TSC2: variants seen among roughly 807,000 people sequenced by gnomAD.
TSC2 encodes tuberin.
In TSC2, 29 loss-of-function variants were observed where a neutral mutation model predicts 202.2. The ratio of observed to expected loss-of-function variants is 0.14; its 90% CI spans 0.11 to 0.20. TSC2 has a LOEUF of 0.20. Among genes scored for constraint, TSC2 ranks in the 10% least tolerant of loss-of-function variants. The pLI is 1.00. For missense variants in TSC2, 2,429 were observed against 2,420.0 expected (o/e 1.00, Z -0.08); for synonymous variants, 1,349 against 1,044.0 (o/e 1.29, Z -5.63).
At position 2,082,433 on chromosome 16, in the gene TSC2, C is replaced by G. The variant is rs770054036; in HGVS notation, c.3815-3C>G. ...CGTGGCCGCACACGGCCTTCCCTTG[C>G]AGTGGCCTCTTTCTCCTCCCTGTAC... is the stretch of plus-strand genomic sequence containing the variant. On this transcript the variant is annotated splice_polypyrimidine_tract_variant and splice_region_variant and intron_variant, in intron 31 of 41. Coordinates refer to ENST00000219476, the MANE Select transcript of TSC2 (RefSeq NM_000548.5). The G allele has an allele frequency of 5.6e-6, 9 of 1,612,456 alleles. No homozygotes were observed. Among genetic ancestry groups the G allele is most frequent in the Non-Finnish European group, 7.6e-6 (9 of 1,179,996 alleles).
Position 2,074,373 on chromosome 16 carries a change from G to A in TSC2, c.2529G>A (p.Leu843=), listed in dbSNP as rs759108698. Residue 843 remains leucine (L), a synonymous_variant, in exon 22 of 42, where the codon CTG becomes CTA. Transcript: ENST00000219476. ...ISATASMAVP[L]LEFLSTLARL... ...CCACAGCCAGCATGGCCGTCCCACT[G>A]CTGGAGTTCCTGTCCAGTGAGTCCC... 6.2e-7 allele frequency: 1 copy of A among 1,611,418 alleles called. No individual in the cohort carries two copies.
Position 2,073,564 on chromosome 16 carries a change from C to CTG in TSC2, c.2355+582_2355+583dup, listed in dbSNP as rs565692525. ...CCATCTGTGCCCCGGGCCTCAGCTT[C>CTG]TGATGGTGGCCCTGTAGGGAGCTGT... On this transcript the variant is annotated intron_variant, in intron 21 of 41. Transcript: ENST00000219476. 1.1e-4 allele frequency among the ~76,000 whole-genome samples: 17 copies of CTG among 152,296 alleles called. No homozygotes were observed. The South Asian group carries it at 3.5e-3, about 32-fold the overall frequency.
chr16:2,068,138 C>T (rs1434964913), intron 16 of TSC2, among the ~76,000 whole-genome samples: 1 of 152,194 alleles, frequency 6.6e-6, no homozygotes, highest in Non-Finnish European at 1.5e-5. Context: ...CTCCCAGGTT[C>T]AAGCAATTCT....
At position 2,084,571 on chromosome 16, in the gene TSC2, C is replaced by T. The variant is rs45517338; in HGVS notation, c.4349C>T (p.Pro1450Leu). Reference sequence around the variant, plus strand: ...GAGGGTCCCTTGCCTTCCAGCTCCCCCCGCTCGCCCAGTGGCCTCCGGCCC... The same window carrying T: ...GAGGGTCCCTTGCCTTCCAGCTCCCTCCGCTCGCCCAGTGGCCTCCGGCCC... The part of the protein sequence containing the change: ...QPEGPLPSSS[P>L]RSPSGLRPRG... Residue 1450 changes from proline (P) to leucine (L), a missense_variant, in exon 34 of 42, where the codon CCC becomes CTC. Coordinates refer to ENST00000219476, the MANE Select transcript of TSC2 (RefSeq NM_000548.5). 4 of 1,607,612 alleles carry T rather than the reference C, an allele frequency of 2.5e-6. No individual in the cohort carries two copies. Among genetic ancestry groups the T allele is most frequent in the African/African-American group, 2.7e-5 (2 of 75,056 alleles).
In TSC2 at chr16:2,063,066, G is replaced by A. The variant is rs1215320121; in HGVS notation, c.1443+13G>A. On this transcript the variant is annotated intron_variant, in intron 14 of 41. Transcript: ENST00000219476. ...GCAGTTCTATGAGGTGCGTGTCCAGGCGGCCGCAGCTGGGGGCTCAGGGCT... is the reference window on the plus strand; with the variant it reads ...GCAGTTCTATGAGGTGCGTGTCCAGACGGCCGCAGCTGGGGGCTCAGGGCT... 1 of 1,551,324 alleles carries A rather than the reference G, an allele frequency of 6.4e-7. No individual in the cohort carries two copies. Among genetic ancestry groups the A allele is most frequent in the Non-Finnish European group, 8.7e-7 (1 of 1,146,908 alleles).
At chr16:2,072,775 G>C in intron 20 of TSC2, 74 bp from the exon 21 acceptor site, 1 of 1,609,636 alleles carries the variant, frequency 6.2e-7, no homozygotes, top group Non-Finnish European at 8.5e-7. Flanking sequence ...CGTTCCCAGG[G>C]CCTCCCCAGC....
At chr16:2,086,530 C>T (rs2090816667) in intron 37 of TSC2, 151 bp downstream of exon 37, 2 of 1,392,622 alleles carry the variant, frequency 1.4e-6, no homozygotes, top group Admixed American at 2.0e-5. Context: ...ACAGCGTGGG[C>T]ATGGAGGCAG....
At chr16:2,055,598 A>G in intron 6 of TSC2, 79 bp downstream of exon 6, 1 of 1,377,920 alleles carries the variant, frequency 7.3e-7, no homozygotes, top group African/African-American at 1.4e-5. Flanking sequence ...AACCACCAAA[A>G]AAATAGAGGT....
intron 33 of TSC2, 46 bp downstream of exon 33, chr16:2,083,862 C>G (rs954111438): frequency 6.3e-7 from 1 of 1,588,028 alleles, no homozygotes; most frequent in Admixed American, 1.7e-5. Flanking sequence ...CGGGGGGCTC[C>G]TTAGGGGAGG....
At chr16:2,065,086 C>A (rs1429491679) in intron 15 of TSC2, 2 of 193,554 alleles carry the variant, frequency 1.0e-5, no homozygotes, top group East Asian at 1.3e-4. Flanking sequence ...TGCACTCCAG[C>A]CTGGACGACA....
At chr16:2,054,234 T>C (rs1168980259) in intron 4 of TSC2, 62 bp from the exon 5 acceptor site, 1 of 1,612,778 alleles carries the variant, frequency 6.2e-7, no homozygotes, top group Middle Eastern at 1.8e-4. Context: ...CTTCAGGGAC[T>C]TCTTGGCAGC....
chr16:2,072,593 C>A, intron 20 of TSC2: 1 of 800,312 alleles, frequency 1.2e-6, no homozygotes, highest in Non-Finnish European at 1.9e-6. Context: ...GGGCATGTCA[C>A]TGAATGTGGA....
chr16:2,076,606 C>T, intron 25 of TSC2, 21 bp downstream of exon 25: 1 of 1,611,718 alleles, frequency 6.2e-7, no homozygotes, highest in Non-Finnish European at 8.5e-7. Context: ...CGGGGGTGTG[C>T]CTGGAGTCGG....
In TSC2 at chr16:2,062,972, G is replaced by C. The variant is rs374252944; in HGVS notation, c.1362G>C (p.Arg454Ser). Residue 454 changes from arginine (R) to serine (S), a missense_variant and splice_region_variant, in exon 14 of 42, where the codon AGG becomes AGC. Coordinates refer to ENST00000219476, the MANE Select transcript of TSC2 (RefSeq NM_000548.5). ...GCCCCAGCAGGCTGCCGTCCCGCAG[G>C]AGCGAGTCCCGAGGCGCCGTGCGCA... ...NLQALMERFF[R>S]SESRGAVRIK... The C allele has an allele frequency of 2.0e-5, 31 of 1,550,412 alleles. No individual in the cohort carries two copies. The highest frequency in any genetic ancestry group is 2.7e-5 in the African/African-American group (2 of 73,156).
At chr16:2,071,092 C>T (rs530015472) in intron 17 of TSC2, among the ~76,000 whole-genome samples, 1 of 152,210 alleles carries the variant, frequency 6.6e-6, no homozygotes, top group East Asian at 1.9e-4. Context: ...GGAGCCCTCC[C>T]TCCTAGAGCA....
At chr16:2,066,268 C>G (rs2087341589) in intron 16 of TSC2, 1 of 154,796 alleles carries the variant, frequency 6.5e-6, no homozygotes, top group Non-Finnish European at 1.4e-5. Context: ...AGAACAGTTT[C>G]CTGTCTGCTG....
In TSC2 at chr16:2,088,671, A is replaced by C. The variant is rs1596465424; in HGVS notation, c.*61A>C. The C allele has an allele frequency of 1.1e-5, 14 of 1,291,604 alleles. No homozygotes were observed. The highest frequency in any genetic ancestry group is 1.4e-5 in the African/African-American group (1 of 69,940). The allele number at this position is 1,291,604 out of a possible 1,614,324, so 80.0% of individuals were successfully genotyped here. A position where few individuals can be genotyped will look rare whatever the true frequency, so the allele number is the denominator to read the frequency against. ...GTATTGCCTGTCAGTGAAATAAATAAAGTCCTGACCCCAGTGCACAGACAT... is the reference window on the plus strand; with the variant it reads ...GTATTGCCTGTCAGTGAAATAAATACAGTCCTGACCCCAGTGCACAGACAT... On this transcript the variant is annotated 3_prime_UTR_variant, in exon 42 of 42. Transcript: ENST00000219476.
Position 2,056,264 on chromosome 16 carries a change from A to G in TSC2, c.648+20A>G, listed in dbSNP as rs2151071929. 6.2e-7 allele frequency: 1 copy of G among 1,613,716 alleles called. No homozygotes were observed. Among genetic ancestry groups the G allele is most frequent in the Admixed American group, 1.7e-5 (1 of 60,006 alleles). On this transcript the variant is annotated intron_variant, in intron 7 of 41. Transcript: ENST00000219476. ...ATAGAGGTCAGTGCCTCCCCTCCCC[A>G]GGGCCGGCCCATTTCACCCTGGTTT...
In TSC2 at chr16:2,080,962, C is replaced by T. The variant is rs147683188; in HGVS notation, c.3610+585C>T. ...CTCGGCAGGAGGTGCTCCTCAGAGG[C>T]CTCAATCCTTGGCATGCAGTTGGTT... On this transcript the variant is annotated intron_variant, in intron 30 of 41. Coordinates refer to ENST00000219476, the MANE Select transcript of TSC2 (RefSeq NM_000548.5). 173 of 173,054 alleles carry T rather than the reference C, an allele frequency of 1.0e-3. 2 individuals are homozygous for T. Among genetic ancestry groups the T allele is most frequent in the African/African-American group, 3.8e-3 (157 of 41,838 alleles). The allele number at this position is 173,054 out of a possible 1,614,324, so 10.7% of individuals were successfully genotyped here.
Sources: gnomAD v4.1 joint callset for allele counts (sites outside exome capture counted in the v4.1 genomes callset) on GRCh38, gnomAD v4.1.1 for gene constraint, MANE v1.5 for transcripts, NCBI Gene and HGNC (gene_info 2026-07-23, HGNC 2026-07-21) for gene names.